Variants in LONRF3 observed in about 807,000 individuals in gnomAD.
The protein encoded by LONRF3 is LON peptidase N-terminal domain and RING finger protein 3.
In LONRF3, 19 loss-of-function variants were observed where a neutral mutation model predicts 51.7. The ratio of observed to expected loss-of-function variants is 0.37; its 90% CI spans 0.26 to 0.54. LONRF3 has a LOEUF of 0.54. Among genes scored for constraint, LONRF3 ranks in the 20% least tolerant of loss-of-function variants. The pLI, the probability that LONRF3 is intolerant of heterozygous loss-of-function variation, is 0.86. For missense variants in LONRF3, 521 were observed against 623.9 expected, an observed-to-expected ratio of 0.84 and a Z score of 1.76; for synonymous variants, 265 against 257.8, an observed-to-expected ratio of 1.03 and a Z score of -0.27.
intron 3 of LONRF3, among the ~76,000 whole-genome samples, chrX:118,985,630 G>A (rs1159742836): frequency 1.8e-5 from 2 of 112,097 alleles, no homozygotes; most frequent in Non-Finnish European, 3.8e-5. Context: ...CCGTCTGGCA[G>A]GAGAGAAAGG....
At chrX:119,002,761 A>G (rs1385224045) in intron 5 of LONRF3, among the ~76,000 whole-genome samples, 1 of 110,528 alleles carries the variant, frequency 9.0e-6, no homozygotes, top group Non-Finnish European at 1.9e-5. Context: ...TCTTAATGAC[A>G]TTTTTTGATG....
Position 118,975,011 on chromosome X carries a change from G to A in LONRF3, c.231G>A (p.Leu77=). The part of the protein sequence containing the change: ...SKVLLTQADA[L]ASRGRIREAL... ...TCCTGCTCACGCAGGCAGACGCCTT[G>A]GCGTCCCGGGGGCGAATCCGTGAAG... The change falls in exon 1 of 11, where the codon TTG becomes TTA. Residue 77 remains leucine, a synonymous_variant. Transcript: ENST00000371628. The A allele has an allele frequency of 8.5e-7, 1 of 1,172,324 alleles. No individual in the cohort carries two copies. Among genetic ancestry groups the A allele is most frequent in the Non-Finnish European group, 1.1e-6 (1 of 875,755 alleles).
chrX:118,975,242 C>T lies in LONRF3; in HGVS notation c.462C>T (p.Asp154=). 1 of 1,204,137 alleles carries T rather than the reference C, an allele frequency of 8.3e-7. No individual in the cohort carries two copies. The highest frequency in any genetic ancestry group is 1.1e-6 in the Non-Finnish European group (1 of 892,416). Residue 154 remains aspartate (D), a synonymous_variant, in exon 1 of 11, where the codon GAC becomes GAT. Coordinates refer to ENST00000371628, the MANE Select transcript of LONRF3 (RefSeq NM_001031855.3). ...CTGCGGCGGCCACCGAGGTGTGGGA[C>T]GGCTTTAAGTGCCGGAAATGTCATG... is the stretch of plus-strand genomic sequence containing the variant. ...AAAAAATEVW[D]GFKCRKCHGF... is the part of the protein sequence containing the mutation.
chrX:118,987,831 C>T (rs1031435716), intron 3 of LONRF3, among the ~76,000 whole-genome samples: 1 of 111,748 alleles, frequency 8.9e-6, no homozygotes, highest in African/African-American at 3.3e-5. Context: ...ATGCCTTATA[C>T]ATAAGTAAGC....
At chrX:118,998,996 C>T (rs1924074799) in intron 5 of LONRF3, among the ~76,000 whole-genome samples, 1 of 112,580 alleles carries the variant, frequency 8.9e-6, no homozygotes, top group Non-Finnish European at 1.9e-5. Flanking sequence ...TGGTGGGATC[C>T]AGCGAGCAGA....
chrX:119,011,677 C>T (rs1272196906), intron 7 of LONRF3, 138 bp from the exon 8 acceptor site: 1 of 556,482 alleles, frequency 1.8e-6, no homozygotes, highest in Admixed American at 2.9e-5. Flanking sequence ...CTTGATGTAT[C>T]TTTGGCAAGT....
At chrX:119,006,731 G>C (rs1276701123) in intron 6 of LONRF3, among the ~76,000 whole-genome samples, 2 of 111,938 alleles carry the variant, frequency 1.8e-5, no homozygotes, top group Non-Finnish European at 3.8e-5. Context: ...TGGGACTACA[G>C]GCGCCCGCCA....
intron 5 of LONRF3, among the ~76,000 whole-genome samples, chrX:118,993,785 C>CT (rs1185038677): frequency 9.0e-6 from 1 of 111,621 alleles, no homozygotes; most frequent in East Asian, 2.8e-4. Flanking sequence ...AGAGCACCAG[C>CT]TAACCTATAA....
intron 8 of LONRF3, 152 bp from the exon 9 acceptor site, chrX:119,012,887 C>T (rs765472791): frequency 1.7e-6 from 2 of 1,197,658 alleles, no homozygotes; most frequent in African/African-American, 3.5e-5. Context: ...CAGGCACTGC[C>T]TGTTGTGTAA....
At chrX:118,985,813 T>C (rs1391765713) in intron 3 of LONRF3, among the ~76,000 whole-genome samples, 2 of 111,531 alleles carry the variant, frequency 1.8e-5, no homozygotes, top group African/African-American at 6.5e-5. Flanking sequence ...AGTGCTGGCA[T>C]CTGAAGGAAC....
chrX:118,981,363 T>C (rs1047784281), intron 2 of LONRF3, among the ~76,000 whole-genome samples: 1 of 109,010 alleles, frequency 9.2e-6, no homozygotes, highest in South Asian at 4.1e-4. Context: ...CGCATGCCTG[T>C]AGTCCCAGCT....
At chrX:118,977,088 A>G (rs1454977017) in intron 1 of LONRF3, 1 of 111,781 alleles carries the variant, frequency 8.9e-6, no homozygotes, top group Non-Finnish European at 1.9e-5. Flanking sequence ...CAGAAGAAAA[A>G]AGACAGAAAA....
chrX:119,012,981 C>T, intron 8 of LONRF3, 58 bp from the exon 9 acceptor site: 17 of 1,201,588 alleles, frequency 1.4e-5, no homozygotes, highest in Non-Finnish European at 1.9e-5. Context: ...TGGGTGCCAG[C>T]CCAGGGAAAC....
At chrX:118,998,820 T>C in intron 5 of LONRF3, among the ~76,000 whole-genome samples, 1 of 111,622 alleles carries the variant, frequency 9.0e-6, no homozygotes, top group Non-Finnish European at 1.9e-5. Context: ...GCCTCCTGCC[T>C]GGCAAATTTT....
At chrX:118,991,181 G>A in intron 5 of LONRF3, among the ~76,000 whole-genome samples, 1 of 111,661 alleles carries the variant, frequency 9.0e-6, no homozygotes, top group Non-Finnish European at 1.9e-5. Flanking sequence ...GCCCTCATGG[G>A]GTTTGTTTTT....
At chrX:119,008,243 A>G (rs1924865076) in intron 6 of LONRF3, among the ~76,000 whole-genome samples, 2 of 112,637 alleles carry the variant, frequency 1.8e-5, no homozygotes, top group Admixed American at 1.9e-4. Flanking sequence ...ACTGCAGAAT[A>G]GAGACACAGC....
At chrX:119,002,220 C>T (rs764964176) in intron 5 of LONRF3, among the ~76,000 whole-genome samples, 1 of 112,359 alleles carries the variant, frequency 8.9e-6, no homozygotes, top group African/African-American at 3.2e-5. Context: ...ACCCAAGAAG[C>T]TACCCATATG....
At chrX:119,012,040 A>G (rs1925146160) in intron 8 of LONRF3, 67 bp downstream of exon 8, 21 of 1,122,192 alleles carry the variant, frequency 1.9e-5, no homozygotes, top group Non-Finnish European at 2.2e-5. Context: ...ACTTTGGGGT[A>G]CTCCCAGGAG....
intron 5 of LONRF3, among the ~76,000 whole-genome samples, chrX:119,000,468 G>C (rs1924192344): frequency 9.0e-6 from 1 of 111,641 alleles, no homozygotes; most frequent in African/African-American, 3.3e-5. Context: ...TCTGTTGAGA[G>C]AAGTTACCCC....
Sources: gnomAD v4.1 joint callset for allele counts (sites outside exome capture counted in the v4.1 genomes callset) on GRCh38, gnomAD v4.1.1 for gene constraint, MANE v1.5 for transcripts, NCBI Gene and HGNC (gene_info 2026-07-23, HGNC 2026-07-21) for gene names.